TMEM183A: variants seen among roughly 807,000 people sequenced by gnomAD.
The protein encoded by TMEM183A is chromosome 1 open reading frame 37.
In TMEM183A, 21 loss-of-function variants were observed where a neutral mutation model predicts 46.7. The ratio of observed to expected loss-of-function variants is 0.45; its 90% confidence interval spans 0.32 to 0.65. The LOEUF is 0.65. TMEM183A is among the 30% of genes least tolerant of loss of function. TMEM183A has a pLI of 0.04. For missense variants in TMEM183A, 331 were observed against 481.9 expected, an observed-to-expected ratio of 0.69 and a Z score of 2.93; for synonymous variants, 165 against 180.2, an observed-to-expected ratio of 0.92 and a Z score of 0.68.
intron 3 of TMEM183A, among the ~76,000 whole-genome samples, chr1:203,012,741 G>C (rs1656785650): frequency 6.6e-6 from 1 of 152,080 alleles, no homozygotes; most frequent in Non-Finnish European, 1.5e-5. Flanking sequence ...TTTTGTTTCG[G>C]TGTTTTGAGA....
chr1:203,008,551 C>A, intron 2 of TMEM183A, 92 bp from the exon 3 acceptor site: 2 of 1,179,182 alleles, frequency 1.7e-6, no homozygotes, highest in East Asian at 2.9e-5. Flanking sequence ...TTTTTCCCCC[C>A]TTTCCTGAAT....
chr1:203,024,184 T>C lies in TMEM183A; in HGVS notation c.*1144T>C, dbSNP rs1371132608. The C allele has an allele frequency of 6.6e-6, 1 of 152,246 alleles. No homozygotes were observed. Among genetic ancestry groups the C allele is most frequent in the Non-Finnish European group, 1.5e-5 (1 of 68,052 alleles). The allele number at this position is 152,246 out of a possible 1,614,324, so 9.4% of individuals were successfully genotyped here. A position where few individuals can be genotyped will look rare whatever the true frequency, so the allele number is the denominator to read the frequency against. On this transcript the variant is annotated 3_prime_UTR_variant, in exon 8 of 8. Transcript: ENST00000367242. ...TTAGCGACTTTGCTCTGCCCTGTAC[T>C]GTGCTGCTTCTGCTGTCATCCTGTG...
intron 5 of TMEM183A, 143 bp downstream of exon 5, chr1:203,016,283 G>T (rs1657166347): frequency 3.3e-6 from 4 of 1,194,696 alleles, no homozygotes; most frequent in Non-Finnish European, 4.7e-6. Flanking sequence ...AGGGCTCAGA[G>T]ATTTCACTTC....
rs78618298 is a variant in TMEM183A, at chr1:203,023,618, T to A, written c.*578T>A. 7.4e-3 allele frequency: 1,134 copies of A among 153,128 alleles called. 20 individuals are homozygous for A. Among genetic ancestry groups the A allele is most frequent in the African/African-American group, 0.026 (1,095 of 41,578 alleles). The allele number at this position is 153,128 out of a possible 1,614,324, so 9.5% of individuals were successfully genotyped here. On this transcript the variant is annotated 3_prime_UTR_variant, in exon 8 of 8. Coordinates refer to ENST00000367242, the MANE Select transcript of TMEM183A (RefSeq NM_138391.6). ...TACATTTTCTTTTGGCAGTTTTGGATTTTAGGTATTTTTTTGCATGAGGCT... is the reference window on the plus strand; with the variant it reads ...TACATTTTCTTTTGGCAGTTTTGGAATTTAGGTATTTTTTTGCATGAGGCT...
chr1:203,016,895 CA>C (rs1657214858), intron 5 of TMEM183A, among the ~76,000 whole-genome samples: 1 of 152,160 alleles, frequency 6.6e-6, no homozygotes, highest in Non-Finnish European at 1.5e-5. Context: ...CTTTGGCAAA[CA>C]AGGTTACTCT....
chr1:203,017,300 C>T (rs1171106932), intron 5 of TMEM183A, among the ~76,000 whole-genome samples: 2 of 152,108 alleles, frequency 1.3e-5, no homozygotes, highest in African/African-American at 4.8e-5. Flanking sequence ...CTGTGGTGAG[C>T]ATGGGGATCA....
At chr1:203,007,638 C>T (rs1656082208) in intron 1 of TMEM183A, 64 bp downstream of exon 1, 1 of 1,527,118 alleles carries the variant, frequency 6.5e-7, no homozygotes, top group Non-Finnish European at 8.8e-7. Context: ...GGGGCTGGAC[C>T]GTGCCGAGGT....
intron 6 of TMEM183A, among the ~76,000 whole-genome samples, chr1:203,019,990 A>C (rs116013777): frequency 0.02 from 2,768 of 138,224 alleles, 97 homozygotes; most frequent in African/African-American, 0.068. Context: ...ACAGGTGAAA[A>C]CACATGGAAT....
rs746627540 is a variant in TMEM183A at position 203,015,981 on chromosome 1, C to T, written c.549C>T (p.Ser183=). The T allele has an allele frequency of 3.7e-6, 6 of 1,614,002 alleles. No individual in the cohort carries two copies. The highest frequency in any genetic ancestry group is 5.1e-6 in the Non-Finnish European group (6 of 1,179,868). The change falls in exon 5 of 8, where the codon TCC becomes TCT. Residue 183 remains serine (S), a synonymous_variant. Coordinates refer to ENST00000367242, the MANE Select transcript of TMEM183A (RefSeq NM_138391.6). The part of the protein sequence containing the change: ...LYRRHYTLDA[S]LPLRLRPESM... ...TCAGGCACTACACGCTGGATGCTTC[C>T]CTGCCTTTGCGTCTGCGACCAGAGT... is the stretch of plus-strand genomic sequence containing the variant.
At chr1:203,010,545 T>C (rs190431338) in intron 3 of TMEM183A, among the ~76,000 whole-genome samples, 52 of 152,358 alleles carry the variant, frequency 3.4e-4, no homozygotes, top group African/African-American at 1.1e-3. Flanking sequence ...CCACTGGTCC[T>C]GAGCATTTCT....
rs776780534 is a variant in TMEM183A, at chr1:203,007,743, C to T, written c.110-31C>T. The stretch of plus-strand genomic sequence containing the variant: ...GGGGAAGACGCTGACGAGAGAAGGC[C>T]TCTTCCTTGAGGGTTGGTGCTGTGT... On this transcript the variant is annotated intron_variant, in intron 1 of 7. Transcript: ENST00000367242. 13 of 1,611,410 alleles carry T rather than the reference C, an allele frequency of 8.1e-6. No individual in the cohort carries two copies. The East Asian group carries it at 2.9e-4, about 36-fold the overall frequency.
chr1:203,010,051 T>A (rs1023543151), intron 3 of TMEM183A, among the ~76,000 whole-genome samples: 1 of 151,784 alleles, frequency 6.6e-6, no homozygotes, highest in African/African-American at 2.4e-5. Flanking sequence ...GGAGAATCGC[T>A]TGAACCTGGG....
chr1:203,020,757 T>A (rs754640872), intron 6 of TMEM183A, 36 bp from the exon 7 acceptor site: 1 of 1,613,330 alleles, frequency 6.2e-7, no homozygotes, highest in South Asian at 1.1e-5. Context: ...ATAATGTTTC[T>A]TCTAAGCCAT....
chr1:203,017,810 C>T, intron 5 of TMEM183A: 1 of 985,514 alleles, frequency 1.0e-6, no homozygotes, highest in Non-Finnish European at 1.2e-6. Context: ...GAAGTGTTTT[C>T]CCCTTAAAGC....
intron 5 of TMEM183A, among the ~76,000 whole-genome samples, chr1:203,016,532 AC>A (rs760401319): frequency 2.6e-5 from 4 of 152,152 alleles, no homozygotes; most frequent in Non-Finnish European, 4.4e-5. Flanking sequence ...TGAACATCTC[AC>A]TATTTTTCTC....
At chr1:203,011,113 G>A (rs927511242) in intron 3 of TMEM183A, among the ~76,000 whole-genome samples, 1 of 152,114 alleles carries the variant, frequency 6.6e-6, no homozygotes, top group African/African-American at 2.4e-5. Context: ...GTGGACATAG[G>A]TTTTTTTAGT....
chr1:203,020,317 G>A (rs540243002), intron 6 of TMEM183A, among the ~76,000 whole-genome samples: 8 of 152,334 alleles, frequency 5.3e-5, no homozygotes, highest in Non-Finnish European at 1.2e-4. Flanking sequence ...GTGGTGAAAT[G>A]TGACTAGAAG....
intron 3 of TMEM183A, 151 bp from the exon 4 acceptor site, chr1:203,014,738 A>T: frequency 1.7e-6 from 2 of 1,202,224 alleles, no homozygotes; most frequent in African/African-American, 3.1e-5. Context: ...AGCAGCTAGG[A>T]TGAGCAGGAA....
rs933223778 is a variant in TMEM183A, at chr1:203,024,267, T to C, written c.*1227T>C. On this transcript the variant is annotated 3_prime_UTR_variant, in exon 8 of 8. Transcript: ENST00000367242. ...GAAATGCTTATGTCCTCCTGTTGTT[T>C]AGATGACTCCTATTGTTCAGGTGTA... 6.6e-6 allele frequency: 1 copy of C among 152,220 alleles called. No individual in the cohort carries two copies. The highest frequency in any genetic ancestry group is 1.5e-5 in the Non-Finnish European group (1 of 68,054). The allele number at this position is 152,220 out of a possible 1,614,324, so 9.4% of individuals were successfully genotyped here.
Sources: allele counts gnomAD v4.1 joint callset (sites outside exome capture counted in the v4.1 genomes callset), GRCh38; gene constraint gnomAD v4.1.1; transcripts MANE v1.5; gene names NCBI Gene and HGNC (gene_info 2026-07-23, HGNC 2026-07-21).